The following GRIN2A variants were observed in gnomAD, a reference collection of about 807,000 sequenced individuals.
The protein encoded by GRIN2A is glutamate ionotropic receptor NMDA type subunit 2A.
A neutral mutation model predicts 113.4 loss-of-function variants in GRIN2A; 22 were observed. The ratio of observed to expected loss-of-function variants is 0.19; its 90% CI spans 0.14 to 0.28. The LOEUF (loss-of-function observed/expected upper bound fraction) is 0.28. GRIN2A is among the 10% of genes least tolerant of loss of function. The pLI, the probability that GRIN2A is intolerant of heterozygous loss-of-function variation, is 1.00. For missense variants in GRIN2A, 1,502 were observed against 1,887.0 expected (o/e 0.80, Z 3.78); for synonymous variants, 827 against 738.4 (o/e 1.12, Z -1.94).
At chr16:9,859,690 C>T (rs1276828990) in intron 4 of GRIN2A, among the ~76,000 whole-genome samples, 1 of 151,830 alleles carries the variant, frequency 6.6e-6, no homozygotes, top group Non-Finnish European at 1.5e-5. Context: ...TCACAAAACA[C>T]ACCCTGAACG....
chr16:10,131,785 C>T (rs1291612292), intron 2 of GRIN2A, among the ~76,000 whole-genome samples: 1 of 152,188 alleles, frequency 6.6e-6, no homozygotes, highest in Non-Finnish European at 1.5e-5. Context: ...GCCCCTGACC[C>T]ACCATGGATC....
chr16:9,894,234 G>T (rs570395818), intron 3 of GRIN2A, among the ~76,000 whole-genome samples: 1 of 152,180 alleles, frequency 6.6e-6, no homozygotes, highest in Non-Finnish European at 1.5e-5. Flanking sequence ...AGTGGGATGA[G>T]TCTGCAGAGG....
chr16:9,913,813 C>T (rs1184515258), intron 3 of GRIN2A, among the ~76,000 whole-genome samples: 1 of 152,096 alleles, frequency 6.6e-6, no homozygotes, highest in Non-Finnish European at 1.5e-5. Flanking sequence ...TTCTTTGACT[C>T]AATCCTCAAG....
intron 5 of GRIN2A, among the ~76,000 whole-genome samples, chr16:9,847,704 T>A (rs2042800367): frequency 6.7e-6 from 1 of 148,876 alleles, no homozygotes; most frequent in African/African-American, 2.5e-5. Flanking sequence ...TTAACAAAAA[T>A]ATGTAATGTT....
chr16:9,839,376 T>TA (rs35146827), intron 7 of GRIN2A, among the ~76,000 whole-genome samples: 5,563 of 144,938 alleles, frequency 0.038, 328 homozygotes, highest in African/African-American at 0.13. Context: ...TTCCTTGATT[T>TA]AAAAAAAAAA....
At chr16:10,048,272 G>T (rs2047293327) in intron 2 of GRIN2A, among the ~76,000 whole-genome samples, 1 of 152,112 alleles carries the variant, frequency 6.6e-6, no homozygotes, top group Non-Finnish European at 1.5e-5. Context: ...ATCGTGATTG[G>T]CACTTAGTAA....
At chr16:10,124,788 T>C (rs2048899755) in intron 2 of GRIN2A, among the ~76,000 whole-genome samples, 1 of 152,128 alleles carries the variant, frequency 6.6e-6, no homozygotes, top group Non-Finnish European at 1.5e-5. Context: ...CAGAAACATG[T>C]AAATGAACAC....
intron 2 of GRIN2A, among the ~76,000 whole-genome samples, chr16:9,954,879 C>T (rs192517700): frequency 1.3e-5 from 2 of 152,266 alleles, no homozygotes; most frequent in East Asian, 3.9e-4. Context: ...TTCTCCAGGC[C>T]AGCGTCCTTT....
chr16:9,950,393 T>C lies in GRIN2A; in HGVS notation c.415-11842A>G, dbSNP rs74010913. Reference sequence around the variant, plus strand: ...TGGACCTCATGGTTACTTGAGGCCCTAGCCAAGGTAGAAAAAAGAAACTAC... The same window carrying C: ...TGGACCTCATGGTTACTTGAGGCCCCAGCCAAGGTAGAAAAAAGAAACTAC... On this transcript the variant is annotated intron_variant, in intron 2 of 12. Transcript: ENST00000330684. 8.0e-3 allele frequency among the ~76,000 whole-genome samples: 1,212 copies of C among 152,144 alleles called. 16 individuals are homozygous for C. Among genetic ancestry groups the C allele is most frequent in the African/African-American group, 0.028 (1,158 of 41,500 alleles).
intron 10 of GRIN2A, among the ~76,000 whole-genome samples, chr16:9,814,810 G>A (rs907888210): frequency 1.2e-4 from 19 of 152,094 alleles, no homozygotes; most frequent in African/African-American, 4.6e-4. Flanking sequence ...ACCTGATGTC[G>A]GGAATTTGAG....
intron 2 of GRIN2A, among the ~76,000 whole-genome samples, chr16:10,146,197 A>G (rs1097733): frequency 0.25 from 38,542 of 151,888 alleles, 5,315 homozygotes; most frequent in East Asian, 0.4. Flanking sequence ...GGCTCACTGC[A>G]ACCTCCACCT....
chr16:9,758,276 G>A lies in GRIN2A; in HGVS notation c.*4873C>T, dbSNP rs1459047752. On this transcript the variant is annotated 3_prime_UTR_variant, in exon 13 of 13. Coordinates refer to ENST00000330684, the MANE Select transcript of GRIN2A (RefSeq NM_001134407.3). ...TTTAAATAGGAAATCTATGCCCTTT[G>A]ATGTGTTTAAGGAAATCACACACAA... 4.5e-6 allele frequency: 1 copy of A among 223,524 alleles called. No homozygotes were observed. The highest frequency in any genetic ancestry group is 2.2e-5 in the African/African-American group (1 of 44,744). The allele number at this position is 223,524 out of a possible 1,614,324, so 13.8% of individuals were successfully genotyped here. A position where few individuals can be genotyped will look rare whatever the true frequency, so the allele number is the denominator to read the frequency against.
At chr16:9,984,223 A>C (rs554751939) in intron 2 of GRIN2A, among the ~76,000 whole-genome samples, 38 of 114,404 alleles carry the variant, frequency 3.3e-4, no homozygotes, top group Admixed American at 1.3e-3. Context: ...GCCCATTTTT[A>C]ATCGGATTTT....
intron 3 of GRIN2A, among the ~76,000 whole-genome samples, chr16:9,903,586 G>T (rs1403217651): frequency 1.3e-5 from 2 of 152,188 alleles, no homozygotes; most frequent in African/African-American, 4.8e-5. Flanking sequence ...TTTTTCTGCA[G>T]CTGTAATTCC....
chr16:10,036,438 TTTTTTTTTTTC>T (rs1241733023), intron 2 of GRIN2A, among the ~76,000 whole-genome samples: 8,969 of 49,354 alleles, frequency 0.18, 503 homozygotes, highest in African/African-American at 0.25. Flanking sequence ...TAGTACTTAC[TTTTTTTTTTTC>T]TTTTTTTTTT....
chr16:10,072,296 A>T (rs1282658068), intron 2 of GRIN2A, among the ~76,000 whole-genome samples: 1 of 152,198 alleles, frequency 6.6e-6, no homozygotes, highest in Non-Finnish European at 1.5e-5. Flanking sequence ...GAGAATAAAC[A>T]ACAAGTTGAA....
chr16:10,152,806 T>C (rs2049610452), intron 2 of GRIN2A, among the ~76,000 whole-genome samples: 1 of 152,186 alleles, frequency 6.6e-6, no homozygotes, highest in South Asian at 2.1e-4. Context: ...GGACCTTAAA[T>C]GCATATTTCT....
chr16:10,121,697 T>G (rs2048836969), intron 2 of GRIN2A: 1 of 152,214 alleles, frequency 6.6e-6, no homozygotes, highest in Non-Finnish European at 1.5e-5. Flanking sequence ...TTATGCTGCT[T>G]CTTTCATTGC....
chr16:9,757,878 A>T lies in GRIN2A; in HGVS notation c.*5271T>A, dbSNP rs960550982. 8.8e-6 allele frequency: 2 copies of T among 226,374 alleles called. No homozygotes were observed. Among genetic ancestry groups the T allele is most frequent in the Non-Finnish European group, 1.8e-5 (2 of 113,694 alleles). The allele number at this position is 226,374 out of a possible 1,614,324, so 14.0% of individuals were successfully genotyped here. A position where few individuals can be genotyped will look rare whatever the true frequency, so the allele number is the denominator to read the frequency against. ...TCTTTCTGGGGCAAGTGGCAAAAAC[A>T]AAAAACAAAACAAAACAAAAACCAG... On this transcript the variant is annotated 3_prime_UTR_variant, in exon 13 of 13. Coordinates refer to ENST00000330684, the MANE Select transcript of GRIN2A (RefSeq NM_001134407.3).
Sources: gnomAD v4.1 joint callset for allele counts (sites outside exome capture counted in the v4.1 genomes callset) on GRCh38, gnomAD v4.1.1 for gene constraint, MANE v1.5 for transcripts, NCBI Gene and HGNC (gene_info 2026-07-23, HGNC 2026-07-21) for gene names.